The following DAB1 variants were observed in gnomAD, a reference collection of about 807,000 sequenced individuals.
DAB1 encodes the protein DAB adaptor protein 1, also known as disabled homolog 1.
DAB1 carries 15 observed loss-of-function variants against 64.6 expected under a neutral mutation model. The observed-to-expected ratio is 0.23, with a 90% CI of 0.16 to 0.36. The LOEUF is 0.36. Ranked by LOEUF, DAB1 falls within the 10% of genes least tolerant of loss-of-function variation. The pLI is 1.00. For synonymous variants in DAB1, 235 were observed against 251.9 expected, an observed-to-expected ratio of 0.93 and a Z score of 0.64; for missense variants, 596 against 706.7, an observed-to-expected ratio of 0.84 and a Z score of 1.78.
chr1:57,424,431 G>A (rs1213136235), upstream of DAB1, among the ~76,000 whole-genome samples: 1 of 151,910 alleles, frequency 6.6e-6, no homozygotes, highest in Non-Finnish European at 1.5e-5. Flanking sequence ...GGAAGGGGGA[G>A]AGACGAGCCG....
chr1:57,925,471 C>A (rs1312550905), intron 5 of DAB1, among the ~76,000 whole-genome samples: 1 of 152,160 alleles, frequency 6.6e-6, no homozygotes, highest in Non-Finnish European at 1.5e-5. Flanking sequence ...CATTTTTATT[C>A]ACTCTCTAAA....
rs140077897 is a variant in DAB1 at position 57,554,968 on chromosome 1, T to G, written n.625+94624A>C. 4.1e-3 allele frequency among the ~76,000 whole-genome samples: 613 copies of G among 150,980 alleles called. 2 individuals are homozygous for G. The highest frequency in any genetic ancestry group is 5.2e-3 in the Non-Finnish European group (355 of 67,704). On this transcript the variant is annotated intron_variant and non_coding_transcript_variant, in intron 7 of 20. Coordinates refer to the DAB1 transcript ENST00000485760. Reference sequence around the variant, plus strand: ...AACATCATGGGTGACTCAGGCTAAATCTAGATTCTATTTACATAAAACATT... The same window carrying G: ...AACATCATGGGTGACTCAGGCTAAAGCTAGATTCTATTTACATAAAACATT...
At chr1:57,322,041 T>A (rs995614619) in intron 1 of DAB1, among the ~76,000 whole-genome samples, 3 of 152,210 alleles carry the variant, frequency 2.0e-5, no homozygotes, top group Admixed American at 2.0e-4. Context: ...CCTCCATGAA[T>A]CCCACTGGCC....
intron 5 of DAB1, among the ~76,000 whole-genome samples, chr1:58,117,564 C>T (rs946987164): frequency 1.3e-5 from 2 of 152,274 alleles, no homozygotes; most frequent in East Asian, 1.9e-4. Context: ...CGCTTCATTG[C>T]GTGGCTTCAA....
At chr1:57,912,532 C>A (rs529322087) in intron 5 of DAB1, among the ~76,000 whole-genome samples, 1 of 152,262 alleles carries the variant, frequency 6.6e-6, no homozygotes, top group Admixed American at 6.5e-5. Flanking sequence ...AAAACTGGCA[C>A]AAGACAGGGA....
intron 2 of DAB1, among the ~76,000 whole-genome samples, chr1:57,147,456 C>A (rs189064569): frequency 6.6e-6 from 1 of 152,026 alleles, no homozygotes; most frequent in Non-Finnish European, 1.5e-5. Flanking sequence ...TTCCATGACA[C>A]CCCTGCTGAC....
intron 8 of DAB1, among the ~76,000 whole-genome samples, chr1:57,067,025 G>A (rs924597963): frequency 1.5e-4 from 22 of 150,842 alleles, no homozygotes; most frequent in African/African-American, 4.9e-4. Context: ...AAAAAAAAAT[G>A]AGGCGCCTAA....
At chr1:57,856,379 A>G (rs1167057319) in intron 1 of DAB1, among the ~76,000 whole-genome samples, 2 of 152,174 alleles carry the variant, frequency 1.3e-5, no homozygotes, top group South Asian at 2.1e-4. Context: ...TTCAAGGACA[A>G]CAAGTATGCT....
chr1:58,293,312 T>C (rs1661890463), intron 4 of DAB1, among the ~76,000 whole-genome samples: 1 of 152,316 alleles, frequency 6.6e-6, no homozygotes, highest in Non-Finnish European at 1.5e-5. Flanking sequence ...ACATCAGCTC[T>C]CTCTCACTGC....
intron 7 of DAB1, among the ~76,000 whole-genome samples, chr1:57,552,714 G>A (rs1644928471): frequency 6.6e-6 from 1 of 152,136 alleles, no homozygotes; most frequent in African/African-American, 2.4e-5. Flanking sequence ...AGGCTGGACA[G>A]TTAGCTAAGA....
Position 57,984,184 on chromosome 1 carries a change from A to AAAAAGAAAGAAAGAAAGAAAG in DAB1, n.388-100023_388-100022insCTTTCTTTCTTTCTTTCTTTT, listed in dbSNP as rs1276859040. 5.9e-5 allele frequency among the ~76,000 whole-genome samples: 3 copies of AAAAAGAAAGAAAGAAAGAAAG among 50,716 alleles called. 1 individual carries two copies. The South Asian group carries it at 2.2e-3, about 37-fold the overall frequency. The allele number at this position is 50,716 out of a possible 152,430, so 33.3% of individuals were successfully genotyped here. On this transcript the variant is annotated intron_variant and non_coding_transcript_variant, in intron 5 of 20. Coordinates refer to the DAB1 transcript ENST00000485760. ...TTCAGGGCCCAGGACTAGCTTAAAA[A>AAAAAGAAAGAAAGAAAGAAAG]AAAGAAAGAAAGAAAGAAAGAAAGA... is the stretch of plus-strand genomic sequence containing the variant.
At chr1:58,223,842 G>A (rs1659314518) in intron 4 of DAB1, among the ~76,000 whole-genome samples, 1 of 152,312 alleles carries the variant, frequency 6.6e-6, no homozygotes, top group Non-Finnish European at 1.5e-5. Flanking sequence ...TGGGGCCAGA[G>A]CCACGACCTA....
intron 7 of DAB1, among the ~76,000 whole-genome samples, chr1:57,537,795 A>G (rs376463688): frequency 2.2e-4 from 33 of 152,286 alleles, no homozygotes; most frequent in African/African-American, 7.5e-4. Flanking sequence ...GAGGCTGAGT[A>G]ATTTATAAAG....
intron 7 of DAB1, among the ~76,000 whole-genome samples, chr1:57,595,291 G>A (rs1645495017): frequency 6.6e-6 from 1 of 150,496 alleles, no homozygotes; most frequent in Non-Finnish European, 1.5e-5. Flanking sequence ...TAAATTTTTT[G>A]GAATAATTAT....
intron 9 of DAB1, among the ~76,000 whole-genome samples, chr1:57,035,284 A>C (rs1647104725): frequency 6.6e-6 from 1 of 152,174 alleles, no homozygotes; most frequent in South Asian, 2.1e-4. Context: ...TTTAGTGTCC[A>C]AAATCTCATT....
intron 2 of DAB1, among the ~76,000 whole-genome samples, chr1:58,511,129 C>T (rs1421357205): frequency 6.6e-6 from 1 of 152,088 alleles, no homozygotes; most frequent in East Asian, 1.9e-4. Flanking sequence ...AAAAACGATC[C>T]TAAAATTCAC....
At chr1:57,279,603 C>T (rs1345602713) in intron 2 of DAB1, among the ~76,000 whole-genome samples, 1 of 152,180 alleles carries the variant, frequency 6.6e-6, no homozygotes, top group Admixed American at 6.5e-5. Context: ...GGATAAACAA[C>T]CTCAGATGGA....
chr1:58,126,533 G>A (rs1305009702), intron 5 of DAB1, among the ~76,000 whole-genome samples: 2 of 150,832 alleles, frequency 1.3e-5, no homozygotes, highest in East Asian at 3.9e-4. Context: ...GTATACATGT[G>A]CCATGCTGGT....
chr1:58,413,432 G>C (rs139910226), intron 3 of DAB1, among the ~76,000 whole-genome samples: 2 of 152,140 alleles, frequency 1.3e-5, no homozygotes, highest in Non-Finnish European at 2.9e-5. Context: ...CCTAAACCAC[G>C]CAGATAAAGA....
Sources: gnomAD v4.1 joint callset for allele counts (sites outside exome capture counted in the v4.1 genomes callset) on GRCh38, gnomAD v4.1.1 for gene constraint, MANE v1.5 for transcripts, NCBI Gene and HGNC (gene_info 2026-07-23, HGNC 2026-07-21) for gene names.